CHURC1: variants seen among roughly 807,000 people sequenced by gnomAD.
CHURC1 encodes the protein protein Churchill.
CHURC1 carries 12 observed loss-of-function variants against 15.4 expected under a neutral mutation model. That is an observed-to-expected ratio of 0.78 (90% CI 0.50 to 1.27). CHURC1 has a LOEUF of 1.27. Ranked by LOEUF, CHURC1 falls within the 50% of genes most tolerant of loss-of-function variation. The pLI, the probability that CHURC1 is intolerant of heterozygous loss-of-function variation, is 0.00. For missense variants in CHURC1, 132 were observed against 137.8 expected (o/e 0.96, Z 0.21); for synonymous variants, 42 against 47.5 (o/e 0.88, Z 0.48).
chr14:64,932,324 T>C lies in CHURC1; in HGVS notation c.*94T>C, dbSNP rs1885125717. ...CTTATTTCATTCATACTGAAAATTC[T>C]TTGCATATTTTTTTTCTGCTTAGAC... On this transcript the variant is annotated 3_prime_UTR_variant, in exon 4 of 4. Transcript: ENST00000549115. The C allele has an allele frequency of 6.5e-7, 1 of 1,531,098 alleles. No homozygotes were observed. 94.8% of individuals were successfully genotyped at this position (1,531,098 alleles called of 1,614,324 possible). A position where few individuals can be genotyped will look rare whatever the true frequency, so the allele number is the denominator to read the frequency against.
In CHURC1 at chr14:64,934,821, A is replaced by G. The variant is rs1021739723; in HGVS notation, c.*2591A>G. 4.1e-6 allele frequency: 4 copies of G among 985,142 alleles called. No individual in the cohort carries two copies. The African/African-American group carries it at 5.2e-5, about 13-fold the overall frequency. 61.0% of individuals were successfully genotyped at this position (985,142 alleles called of 1,614,324 possible). On this transcript the variant is annotated 3_prime_UTR_variant, in exon 4 of 4. Coordinates refer to ENST00000549115, the MANE Select transcript of CHURC1 (RefSeq NM_001386928.1). Reference sequence around the variant, plus strand: ...ATATGCCCTGCCAATGTCCTCATCTATTGCAGAATGTATAATTATCTATTT... The same window carrying G: ...ATATGCCCTGCCAATGTCCTCATCTGTTGCAGAATGTATAATTATCTATTT...
rs1456785922 is a variant in CHURC1, at chr14:64,934,429, C to T, written c.*2199C>T. 6.7e-5 allele frequency: 66 copies of T among 984,880 alleles called. No individual in the cohort carries two copies. The highest frequency in any genetic ancestry group is 7.8e-5 in the Non-Finnish European group (65 of 829,618). The allele number at this position is 984,880 out of a possible 1,614,324, so 61.0% of individuals were successfully genotyped here. ...GATCACACAGCTAGTGCAGTTACCC[C>T]CTCTCAGTAATTATGTTTGGCAAAT... On this transcript the variant is annotated 3_prime_UTR_variant, in exon 4 of 4. Coordinates refer to ENST00000549115, the MANE Select transcript of CHURC1 (RefSeq NM_001386928.1).
In CHURC1 at chr14:64,918,137, C is replaced by T. The variant is rs572114916; in HGVS notation, c.39+3603C>T. On this transcript the variant is annotated intron_variant, in intron 1 of 3. Coordinates refer to ENST00000549115, the MANE Select transcript of CHURC1 (RefSeq NM_001386928.1). ...AAGGAAGAATAGTAGAAAAAGGGAT[C>T]GAGGTGATTGGAAAACCAGGAGAGT... 1.3e-3 allele frequency among the ~76,000 whole-genome samples: 196 copies of T among 152,236 alleles called. 1 individual carries two copies. The highest frequency in any genetic ancestry group is 4.4e-3 in the African/African-American group (181 of 41,532).
intron 3 of CHURC1, 99 bp from the exon 4 acceptor site, chr14:64,932,039 T>C: frequency 6.9e-7 from 1 of 1,439,324 alleles, no homozygotes; most frequent in Non-Finnish European, 9.3e-7. Context: ...ACAGAAAGAA[T>C]ATTCATGACA....
chr14:64,924,056 G>C lies in CHURC1; in HGVS notation c.105G>C (p.Lys35Asn). ...TTACAGGCTGTGCAGTGTGCAGTAA[G>C]CGGGATTTTATGCTGATCACAAACA... Reference protein sequence around the residue: ...LNFTGCAVCSKRDFMLITNKS... With the variant: ...LNFTGCAVCSNRDFMLITNKS... Residue 35 changes from lysine to asparagine, a missense_variant, in exon 2 of 4, where the codon AAG (lysine) becomes AAC (asparagine). Transcript: ENST00000549115. The C allele has an allele frequency of 6.2e-7, 1 of 1,608,538 alleles. No individual in the cohort carries two copies. The highest frequency in any genetic ancestry group is 8.5e-7 in the Non-Finnish European group (1 of 1,177,102).
chr14:64,929,468 A>G (rs899190476), intron 3 of CHURC1, among the ~76,000 whole-genome samples: 4 of 152,060 alleles, frequency 2.6e-5, no homozygotes, highest in African/African-American at 9.7e-5. Flanking sequence ...AGAACCCTCC[A>G]TTCTCAGCTG....
chr14:64,923,972 C>A lies in CHURC1; in HGVS notation c.40-19C>A, dbSNP rs761495524. ...TTTTGAAATGTAAAGAAATTAAATT[C>A]CTGTTTCTGATATTTTAGGGTAATA... is the stretch of plus-strand genomic sequence containing the variant. On this transcript the variant is annotated intron_variant, in intron 1 of 3. Transcript: ENST00000549115. 14 of 1,489,328 alleles carry A rather than the reference C, an allele frequency of 9.4e-6. No homozygotes were observed. Among genetic ancestry groups the A allele is most frequent in the Admixed American group, 2.2e-5 (1 of 44,856 alleles). 92.3% of individuals were successfully genotyped at this position (1,489,328 alleles called of 1,614,324 possible). A position where few individuals can be genotyped will look rare whatever the true frequency, so the allele number is the denominator to read the frequency against.
chr14:64,924,384 C>G (rs2147616), intron 2 of CHURC1: 108,634 of 257,010 alleles, frequency 0.42, 28,291 homozygotes, highest in African/African-American at 0.81. Flanking sequence ...TTATTTTTCA[C>G]GGACATATTT....
chr14:64,930,725 T>G lies in CHURC1; in HGVS notation c.247-1413T>G, dbSNP rs1030483035. Reference sequence around the variant, plus strand: ...GTCAATGGCTAGATTGGTTGAAAACTCAAGTATTTGTTTAGCCTCACACAT... The same window carrying G: ...GTCAATGGCTAGATTGGTTGAAAACGCAAGTATTTGTTTAGCCTCACACAT... On this transcript the variant is annotated intron_variant, in intron 3 of 3. Transcript: ENST00000549115. 12 of 414,430 alleles carry G rather than the reference T, an allele frequency of 2.9e-5. No homozygotes were observed. The Middle Eastern group carries it at 1.4e-3, about 49-fold the overall frequency. The allele number at this position is 414,430 out of a possible 1,614,324, so 25.7% of individuals were successfully genotyped here.
At position 64,932,456 on chromosome 14, in the gene CHURC1, A is replaced by C. The variant is rs1453676362; in HGVS notation, c.*226A>C. On this transcript the variant is annotated 3_prime_UTR_variant, in exon 4 of 4. Transcript: ENST00000549115. Reference sequence around the variant, plus strand: ...CACATCAGTGTAGCCAGAGTGAAGCATCTTTGTTAGCAGTTATGTGGTCAG... The same window carrying C: ...CACATCAGTGTAGCCAGAGTGAAGCCTCTTTGTTAGCAGTTATGTGGTCAG... 8.0e-7 allele frequency: 1 copy of C among 1,244,346 alleles called. No homozygotes were observed. The highest frequency in any genetic ancestry group is 1.0e-6 in the Non-Finnish European group (1 of 988,464). The allele number at this position is 1,244,346 out of a possible 1,614,324, so 77.1% of individuals were successfully genotyped here.
At chr14:64,915,268 G>T (rs1338591877) in intron 1 of CHURC1, among the ~76,000 whole-genome samples, 3 of 152,232 alleles carry the variant, frequency 2.0e-5, no homozygotes, top group Non-Finnish European at 4.4e-5. Flanking sequence ...AAAGTGCTGG[G>T]ATTACTGGCA....
chr14:64,920,588 A>G (rs1884211701), intron 1 of CHURC1, among the ~76,000 whole-genome samples: 1 of 152,220 alleles, frequency 6.6e-6, no homozygotes, highest in Non-Finnish European at 1.5e-5. Context: ...TGAAGCATTT[A>G]CTTACCAGAC....
At chr14:64,931,978 A>G (rs145453795) in intron 3 of CHURC1, among the ~76,000 whole-genome samples, 160 bp from the exon 4 acceptor site, 216 of 152,402 alleles carry the variant, frequency 1.4e-3, no homozygotes, top group African/African-American at 5.1e-3. Flanking sequence ...TGGAATATAC[A>G]GAATAAGCCT....
At chr14:64,929,682 A>G (rs1884965310) in intron 3 of CHURC1, among the ~76,000 whole-genome samples, 1 of 152,166 alleles carries the variant, frequency 6.6e-6, no homozygotes, top group Admixed American at 6.6e-5. Flanking sequence ...ATATTTCACC[A>G]TTCTCATATC....
rs542615603 is a variant in CHURC1, at chr14:64,916,536, TG to T, written c.39+2003del. On this transcript the variant is annotated intron_variant, in intron 1 of 3. Coordinates refer to ENST00000549115, the MANE Select transcript of CHURC1 (RefSeq NM_001386928.1). ...ATTATGAGACCATGAGGGAGGAGTT[TG>T]CAGTAGAGAATATTAAAGAGATTAG... Among the ~76,000 whole-genome samples, 4 of 152,314 alleles carry T rather than the reference TG, an allele frequency of 2.6e-5. No homozygotes were observed. The East Asian group carries it at 7.7e-4, about 29-fold the overall frequency.
chr14:64,924,698 C>T (rs1190822429), intron 2 of CHURC1, among the ~76,000 whole-genome samples: 3 of 152,024 alleles, frequency 2.0e-5, no homozygotes, highest in Non-Finnish European at 4.4e-5. Flanking sequence ...TCCTTCTTCT[C>T]GTCCTCAATA....
intron 1 of CHURC1, among the ~76,000 whole-genome samples, chr14:64,918,324 C>T (rs933362872): frequency 5.9e-5 from 9 of 152,166 alleles, no homozygotes; most frequent in Non-Finnish European, 1.5e-5. Flanking sequence ...GAATAAAGAA[C>T]ATTCTGACAT....
rs1206140057 is a variant in CHURC1 at position 64,933,324 on chromosome 14, A to G, written c.*1094A>G. On this transcript the variant is annotated 3_prime_UTR_variant, in exon 4 of 4. Coordinates refer to ENST00000549115, the MANE Select transcript of CHURC1 (RefSeq NM_001386928.1). ...AAAAAAAGGTCATTTGGTAGAAACT[A>G]GGGAAATCTGAATACAGTGTGGACT... The G allele has an allele frequency of 5.2e-6, 5 of 968,950 alleles. No individual in the cohort carries two copies. The East Asian group carries it at 5.7e-4, about 111-fold the overall frequency. 60.0% of individuals were successfully genotyped at this position (968,950 alleles called of 1,614,324 possible). A position where few individuals can be genotyped will look rare whatever the true frequency, so the allele number is the denominator to read the frequency against.
intron 2 of CHURC1, among the ~76,000 whole-genome samples, chr14:64,925,431 A>T (rs189750606): frequency 1.1e-3 from 162 of 152,192 alleles, no homozygotes; most frequent in Non-Finnish European, 1.9e-3. Flanking sequence ...CTAGGACTTT[A>T]GGAGGCCCAG....
Sources: gnomAD v4.1 joint callset for allele counts (sites outside exome capture counted in the v4.1 genomes callset) on GRCh38, gnomAD v4.1.1 for gene constraint, MANE v1.5 for transcripts, NCBI Gene and HGNC (gene_info 2026-07-23, HGNC 2026-07-21) for gene names.